Variants in STOX1 observed in about 807,000 individuals in gnomAD.
The protein encoded by STOX1 is storkhead-box protein 1.
In STOX1, 57 loss-of-function variants were observed where a neutral mutation model predicts 74.8. The ratio of observed to expected loss-of-function variants is 0.76; its 90% CI spans 0.62 to 0.95. STOX1 has a LOEUF of 0.95. Ranked by LOEUF, STOX1 falls within the 40% of genes least tolerant of loss-of-function variation. The probability of loss-of-function intolerance (pLI) is 0.00; values close to 1 mark genes in which losing one functional copy is unlikely to be tolerated. For missense variants in STOX1, 1,010 were observed against 1,117.0 expected (o/e 0.90, Z 1.37); for synonymous variants, 375 against 401.3 (o/e 0.93, Z 0.78).
At chr10:68,828,964 G>T in intron 1 of STOX1, 1 of 985,366 alleles carries the variant, frequency 1.0e-6, no homozygotes, top group South Asian at 4.7e-5. Flanking sequence ...ACCCGTGAGT[G>T]GTCTCTGACT....
intron 3 of STOX1, among the ~76,000 whole-genome samples, chr10:68,890,137 T>G (rs1337199137): frequency 6.6e-6 from 1 of 152,050 alleles, no homozygotes; most frequent in Non-Finnish European, 1.5e-5. Flanking sequence ...CATTCTGTTA[T>G]GTGGACTATA....
chr10:68,828,598 G>A (rs1839326983), intron 1 of STOX1, among the ~76,000 whole-genome samples: 1 of 152,228 alleles, frequency 6.6e-6, no homozygotes, highest in African/African-American at 2.4e-5. Context: ...GGATAGAGAG[G>A]CTTTGGGCTA....
In STOX1 at chr10:68,827,700, G is replaced by A. The variant is rs1267038237; in HGVS notation, c.77G>A (p.Gly26Glu). The A allele has an allele frequency of 3.2e-6, 3 of 929,486 alleles. No homozygotes were observed. The highest frequency in any genetic ancestry group is 4.0e-6 in the Non-Finnish European group (3 of 746,198). 57.6% of individuals were successfully genotyped at this position (929,486 alleles called of 1,614,324 possible). Residue 26 changes from glycine to glutamate, a missense_variant, in exon 1 of 4, where the codon GGG becomes GAG. Coordinates refer to ENST00000298596, the MANE Select transcript of STOX1 (RefSeq NM_152709.5). ...LCRLEAQKAA[G>E]AAEEPGGRAV... ...CGGCTGGAGGCGCAGAAGGCGGCGG[G>A]GGCCGCGGAGGAGCCTGGTGGGCGC...
At chr10:68,831,487 A>G (rs546078150) in intron 1 of STOX1, among the ~76,000 whole-genome samples, 2 of 152,066 alleles carry the variant, frequency 1.3e-5, no homozygotes, top group African/African-American at 4.8e-5. Flanking sequence ...GCCTGGCTAG[A>G]TGTTTTTTTA....
At chr10:68,854,963 C>T (rs978721050) in intron 1 of STOX1, among the ~76,000 whole-genome samples, 1 of 151,944 alleles carries the variant, frequency 6.6e-6, no homozygotes, top group African/African-American at 2.4e-5. Flanking sequence ...ATTAGCTAAG[C>T]ATGGTGGTGC....
chr10:68,895,228 T>C (rs1251344713), downstream of STOX1: 1 of 152,224 alleles, frequency 6.6e-6, no homozygotes. Flanking sequence ...TTTTCATTTG[T>C]TCTGTTTTTT....
At chr10:68,843,264 T>C (rs1177355617) in intron 1 of STOX1, among the ~76,000 whole-genome samples, 1 of 151,730 alleles carries the variant, frequency 6.6e-6, no homozygotes, top group Admixed American at 6.6e-5. Context: ...ACTCCTGGTC[T>C]CAAGCAATCC....
intron 2 of STOX1, among the ~76,000 whole-genome samples, chr10:68,883,846 C>A (rs1005022204): frequency 6.8e-6 from 1 of 147,180 alleles, no homozygotes; most frequent in African/African-American, 2.6e-5. Context: ...TCACTGCAGC[C>A]TTGAACTCCT....
intron 1 of STOX1, among the ~76,000 whole-genome samples, chr10:68,844,294 C>CTTTTTTTTTTTT: frequency 9.6e-6 from 1 of 104,706 alleles, no homozygotes; most frequent in Non-Finnish European, 1.8e-5. Context: ...TCTGGATCTT[C>CTTTTTTTTTTTT]TTTTTTTTTT....
At chr10:68,831,123 A>G (rs568487608) in intron 1 of STOX1, among the ~76,000 whole-genome samples, 10 of 152,340 alleles carry the variant, frequency 6.6e-5, no homozygotes, top group Non-Finnish European at 1.5e-4. Context: ...TTTGTAGGAA[A>G]GAGCAAAATG....
intron 1 of STOX1, among the ~76,000 whole-genome samples, chr10:68,834,426 G>A (rs928329242): frequency 5.9e-5 from 9 of 152,086 alleles, no homozygotes; most frequent in Non-Finnish European, 1.2e-4. Flanking sequence ...GTGTACAAAT[G>A]GTAAGGAAAG....
chr10:68,843,414 A>G (rs1437622123), intron 1 of STOX1, among the ~76,000 whole-genome samples: 1 of 152,218 alleles, frequency 6.6e-6, no homozygotes, highest in Non-Finnish European at 1.5e-5. Flanking sequence ...TTGGGTGAAT[A>G]ACCAGGTGTG....
At chr10:68,869,936 A>G (rs1049644532) in intron 1 of STOX1, among the ~76,000 whole-genome samples, 2 of 152,106 alleles carry the variant, frequency 1.3e-5, no homozygotes, top group Non-Finnish European at 2.9e-5. Context: ...ACTGAGACCC[A>G]AAGAAGAGAG....
chr10:68,859,855 T>C (rs1035737456), intron 1 of STOX1, among the ~76,000 whole-genome samples: 1 of 151,988 alleles, frequency 6.6e-6, no homozygotes, highest in Non-Finnish European at 1.5e-5. Flanking sequence ...AGATGATCTT[T>C]TGACATCATG....
At chr10:68,864,086 G>T (rs1373519519) in intron 1 of STOX1, among the ~76,000 whole-genome samples, 1 of 152,032 alleles carries the variant, frequency 6.6e-6, no homozygotes, top group Admixed American at 6.6e-5. Flanking sequence ...CACCGCACCA[G>T]CTAATTTTTT....
rs753596214 is a variant in STOX1 at position 68,885,177 on chromosome 10, A to G, written c.1381A>G (p.Ile461Val). The G allele has an allele frequency of 1.9e-6, 3 of 1,614,180 alleles. No individual in the cohort carries two copies. Among genetic ancestry groups the G allele is most frequent in the South Asian group, 2.2e-5 (2 of 91,078 alleles). Residue 461 changes from isoleucine (I) to valine (V), a missense_variant, in exon 3 of 4, where the codon ATC becomes GTC. Coordinates refer to ENST00000298596, the MANE Select transcript of STOX1 (RefSeq NM_152709.5). ...KHPKLPATQP[I>V]PRIKSPNEMV... ...CCCCAAGCTCCCTGCTACACAGCCC[A>G]TCCCCAGAATTAAAAGCCCAAATGA...
intron 1 of STOX1, among the ~76,000 whole-genome samples, chr10:68,852,294 C>G (rs1840007651): frequency 1.4e-5 from 2 of 140,414 alleles, no homozygotes; most frequent in Non-Finnish European, 3.1e-5. Flanking sequence ...CTCTGTCGCC[C>G]AGGCCGGACT....
At position 68,885,146 on chromosome 10, in the gene STOX1, GA is replaced by G; in HGVS notation, c.1353del (p.Lys451AsnfsTer21). 6.2e-7 allele frequency: 1 copy of G among 1,613,722 alleles called. No homozygotes were observed. Among genetic ancestry groups the G allele is most frequent in the Non-Finnish European group, 8.5e-7 (1 of 1,179,810 alleles). ...TTCAGCCAGGAAGCATTAGACTGGA[GA>G]AACACCCCAAGCTCCCTGCTACACA... ...EFQPGSIRLE[K>X]HPKLPATQPI... On this transcript the variant is annotated frameshift_variant, in exon 3 of 4. Coordinates refer to ENST00000298596, the MANE Select transcript of STOX1 (RefSeq NM_152709.5). LOFTEE classifies it high-confidence loss of function.
At chr10:68,849,257 T>A (rs1048998214) in intron 1 of STOX1, among the ~76,000 whole-genome samples, 3 of 152,106 alleles carry the variant, frequency 2.0e-5, no homozygotes, top group African/African-American at 7.2e-5. Flanking sequence ...TCCTAACTTC[T>A]CCCCTAACTG....
Sources: allele counts gnomAD v4.1 joint callset (sites outside exome capture counted in the v4.1 genomes callset), GRCh38; gene constraint gnomAD v4.1.1; transcripts MANE v1.5; gene names NCBI Gene and HGNC (gene_info 2026-07-23, HGNC 2026-07-21).